Variants in NKAIN1 observed in about 807,000 individuals in gnomAD.
NKAIN1 encodes sodium/potassium-transporting ATPase subunit beta-1-interacting protein 1.
In NKAIN1, 13 loss-of-function variants were observed where a neutral mutation model predicts 31.6. That is an observed-to-expected ratio of 0.41 (90% CI 0.27 to 0.65). The LOEUF is 0.65. Ranked by LOEUF, NKAIN1 falls within the 30% of genes least tolerant of loss-of-function variation. The pLI, the probability that NKAIN1 is intolerant of heterozygous loss-of-function variation, is 0.30. For synonymous variants in NKAIN1, 104 were observed against 109.0 expected, an observed-to-expected ratio of 0.95 and a Z score of 0.28; for missense variants, 193 against 262.2, an observed-to-expected ratio of 0.74 and a Z score of 1.82.
chr1:31,197,071 AT>A (rs1230775847), intron 1 of NKAIN1, among the ~76,000 whole-genome samples: 1 of 93,978 alleles, frequency 1.1e-5, no homozygotes, highest in Non-Finnish European at 2.4e-5. Flanking sequence ...TCCTTCCTTT[AT>A]TTTTTCCACA....
intron 1 of NKAIN1, among the ~76,000 whole-genome samples, chr1:31,197,484 G>C (rs947593462): frequency 2.0e-5 from 3 of 149,496 alleles, no homozygotes; most frequent in Admixed American, 6.7e-5. Flanking sequence ...CTGACCTTGT[G>C]ATTTGCCCGC....
chr1:31,237,502 CTTT>C (rs5773347), intron 1 of NKAIN1, among the ~76,000 whole-genome samples: 4 of 144,068 alleles, frequency 2.8e-5, no homozygotes, highest in African/African-American at 2.6e-5. Flanking sequence ...GAGAAGAAAA[CTTT>C]TTTTTTTTTT....
intron 1 of NKAIN1, among the ~76,000 whole-genome samples, chr1:31,196,359 A>C (rs906736559): frequency 6.6e-6 from 1 of 152,008 alleles, no homozygotes; most frequent in Non-Finnish European, 1.5e-5. Context: ...TAAAAATACA[A>C]AAAATTAGCC....
chr1:31,212,223 T>TCCA (rs1219287215), intron 1 of NKAIN1, among the ~76,000 whole-genome samples: 1 of 152,064 alleles, frequency 6.6e-6, no homozygotes, highest in Admixed American at 6.6e-5. Context: ...TTTCAACAAA[T>TCCA]GTTGCTGGGA....
rs770625719 is a variant in NKAIN1, at chr1:31,239,017, C to T, written c.54+477G>A. Among the ~76,000 whole-genome samples, 1 of 152,134 alleles carries T rather than the reference C, an allele frequency of 6.6e-6. No homozygotes were observed. The highest frequency in any genetic ancestry group is 2.4e-5 in the African/African-American group (1 of 41,424). ...CCAAAGAGAAACCCTGAGAGACACA[C>T]GCCGGAGCAGAGACTTTGTGAGAAA... On this transcript the variant is annotated intron_variant, in intron 1 of 6. Transcript: ENST00000373736. This position sits in a 1 kb window ranked among gnomAD's most constrained non-coding sequence, Gnocchi z 4.8.
rs1557647102 is a variant in NKAIN1, at chr1:31,180,796, G to C, written c.*907C>G. 6.6e-6 allele frequency: 1 copy of C among 152,328 alleles called. No individual in the cohort carries two copies. Among genetic ancestry groups the C allele is most frequent in the African/African-American group, 2.4e-5 (1 of 41,442 alleles). The allele number at this position is 152,328 out of a possible 1,614,324, so 9.4% of individuals were successfully genotyped here. ...TGAGTGTAGGAAGGCTTCTCTGTGG[G>C]TGGGGCTGAATTTGGGGCTTCATCC... is the stretch of plus-strand genomic sequence containing the variant. On this transcript the variant is annotated 3_prime_UTR_variant, in exon 7 of 7. Coordinates refer to ENST00000373736, the MANE Select transcript of NKAIN1 (RefSeq NM_024522.3).
intron 1 of NKAIN1, among the ~76,000 whole-genome samples, chr1:31,218,016 T>TTTTTTCTTTCTTTCTTTCTTTCTTTC (rs773175985): frequency 1.9e-4 from 21 of 108,238 alleles, no homozygotes; most frequent in African/African-American, 7.7e-4. Context: ...GCAGCTACCA[T>TTTTTTCTTTCTTTCTTTCTTTCTTTC]TTTCTTTCTT....
At chr1:31,236,068 G>A (rs1645690376) in intron 1 of NKAIN1, among the ~76,000 whole-genome samples, 1 of 152,084 alleles carries the variant, frequency 6.6e-6, no homozygotes. Context: ...CAACCCTAAG[G>A]ATTAGGAACT....
At chr1:31,222,919 A>G (rs1385501949) in intron 1 of NKAIN1, among the ~76,000 whole-genome samples, 2 of 152,186 alleles carry the variant, frequency 1.3e-5, no homozygotes, top group Non-Finnish European at 2.9e-5. Context: ...GGGTTACTGC[A>G]GGACCAACTG....
intron 1 of NKAIN1, among the ~76,000 whole-genome samples, chr1:31,216,710 A>ATTTATTTG (rs1645516180): frequency 6.6e-6 from 1 of 150,626 alleles, no homozygotes; most frequent in Non-Finnish European, 1.5e-5. Context: ...TTATTTATTT[A>ATTTATTTG]TTTATTTATT....
At position 31,233,132 on chromosome 1, in the gene NKAIN1, T is replaced by C. The variant is rs1446939666; in HGVS notation, c.54+6362A>G. Among the ~76,000 whole-genome samples, 1 of 152,160 alleles carries C rather than the reference T, an allele frequency of 6.6e-6. No individual in the cohort carries two copies. The highest frequency in any genetic ancestry group is 1.9e-4 in the East Asian group (1 of 5,196). On this transcript the variant is annotated intron_variant, in intron 1 of 6. Coordinates refer to ENST00000373736, the MANE Select transcript of NKAIN1 (RefSeq NM_024522.3). The surrounding 1 kb of genome is among the most constrained non-coding windows in gnomAD (Gnocchi z 4.0). ...CTCGGCTAATTTTTTGTATTTTTAGTAGAGATGCGGTTTCACCACATTGGC... is the reference window on the plus strand; with the variant it reads ...CTCGGCTAATTTTTTGTATTTTTAGCAGAGATGCGGTTTCACCACATTGGC...
chr1:31,192,597 C>T (rs374523836), intron 1 of NKAIN1, among the ~76,000 whole-genome samples: 45 of 152,002 alleles, frequency 3.0e-4, no homozygotes, highest in African/African-American at 1.0e-3. Context: ...GTCGCCCAGG[C>T]TGGAGTGCAG....
rs1322776963 is a variant in NKAIN1, at chr1:31,208,962, G to A, written c.55-20775C>T. Among the ~76,000 whole-genome samples the A allele has an allele frequency of 6.6e-5, 10 of 152,160 alleles. No homozygotes were observed. In the South Asian group the frequency reaches 1.9e-3, roughly 28 times the overall value. On this transcript the variant is annotated intron_variant, in intron 1 of 6. Coordinates refer to ENST00000373736, the MANE Select transcript of NKAIN1 (RefSeq NM_024522.3). ...TACCCTTCTCACCTCCCAGGGGGTGGGAGTGGATCCAATGGGGTAACTGAC... is the reference window on the plus strand; with the variant it reads ...TACCCTTCTCACCTCCCAGGGGGTGAGAGTGGATCCAATGGGGTAACTGAC...
intron 1 of NKAIN1, among the ~76,000 whole-genome samples, chr1:31,221,163 G>C (rs1645561419): frequency 6.6e-6 from 1 of 152,152 alleles, no homozygotes; most frequent in Admixed American, 6.6e-5. Flanking sequence ...AGAGAGGCAG[G>C]CACAGCAAAT....
At chr1:31,185,026 A>C in intron 3 of NKAIN1, 1 of 537,978 alleles carries the variant, frequency 1.9e-6, no homozygotes, top group Non-Finnish European at 3.4e-6. Context: ...GCTCATCTTC[A>C]CATGGACTGC....
chr1:31,197,320 C>T (rs1278305542), intron 1 of NKAIN1, among the ~76,000 whole-genome samples: 1 of 151,726 alleles, frequency 6.6e-6, no homozygotes, highest in Non-Finnish European at 1.5e-5. Flanking sequence ...ATCGTGTTAG[C>T]CAGGATGGTC....
At chr1:31,205,613 G>GTTTTTTTTT (rs761138403) in intron 1 of NKAIN1, among the ~76,000 whole-genome samples, 4 of 96,524 alleles carry the variant, frequency 4.1e-5, no homozygotes, top group African/African-American at 4.1e-5. Flanking sequence ...AGCCGGACAA[G>GTTTTTTTTT]TTTTTTTTTT....
At chr1:31,236,567 GACA>G (rs1159034134) in intron 1 of NKAIN1, among the ~76,000 whole-genome samples, 2 of 152,118 alleles carry the variant, frequency 1.3e-5, no homozygotes, top group African/African-American at 4.8e-5. Flanking sequence ...GGAGGTTAGT[GACA>G]ACTGGAGGGC....
intron 1 of NKAIN1, among the ~76,000 whole-genome samples, chr1:31,236,831 A>G (rs1415905777): frequency 6.6e-6 from 1 of 151,814 alleles, no homozygotes; most frequent in Non-Finnish European, 1.5e-5. Flanking sequence ...GCAGAGAGAC[A>G]CTCTACCACC....
Sources: allele counts gnomAD v4.1 joint callset (sites outside exome capture counted in the v4.1 genomes callset), GRCh38; gene constraint gnomAD v4.1.1; non-coding constraint Gnocchi (gnomAD v3.1); transcripts MANE v1.5; gene names NCBI Gene and HGNC (gene_info 2026-07-23, HGNC 2026-07-21).